Variants in DCLK1 observed in about 807,000 individuals in gnomAD.
The protein encoded by DCLK1 is doublecortin like kinase 1.
Under a neutral mutation model 86.2 loss-of-function variants are expected in DCLK1, and 16 were observed. The observed-to-expected ratio is 0.19, with a 90% confidence interval of 0.13 to 0.28. DCLK1 has a LOEUF of 0.28. DCLK1 is among the 10% of genes least tolerant of loss of function. DCLK1 has a pLI of 1.00. For synonymous variants in DCLK1, 369 were observed against 370.5 expected, an observed-to-expected ratio of 1.00 and a Z score of 0.05; for missense variants, 590 against 940.2, an observed-to-expected ratio of 0.63 and a Z score of 4.87.
chr13:35,983,204 C>T (rs1045114599), intron 3 of DCLK1, among the ~76,000 whole-genome samples: 12 of 152,098 alleles, frequency 7.9e-5, no homozygotes, highest in African/African-American at 2.9e-4. Flanking sequence ...CAGCTCACTG[C>T]AGTCTCAAAT....
At chr13:36,057,674 G>C (rs1248692219) in intron 3 of DCLK1, among the ~76,000 whole-genome samples, 2 of 152,168 alleles carry the variant, frequency 1.3e-5, no homozygotes, top group Admixed American at 6.5e-5. Flanking sequence ...TTGAGGTTCA[G>C]ATTCAGGATA....
intron 4 of DCLK1, among the ~76,000 whole-genome samples, chr13:35,937,579 G>A (rs961941393): frequency 2.0e-5 from 3 of 152,124 alleles, no homozygotes; most frequent in African/African-American, 7.2e-5. Flanking sequence ...ATATGATGAT[G>A]GCAATTTTTA....
At chr13:35,885,716 T>C (rs901314173) in intron 4 of DCLK1, among the ~76,000 whole-genome samples, 4 of 152,196 alleles carry the variant, frequency 2.6e-5, no homozygotes, top group African/African-American at 7.2e-5. Flanking sequence ...CCCTAAAACC[T>C]TCAAATTCAT....
At chr13:35,798,424 G>A (rs1470876371) in intron 15 of DCLK1, among the ~76,000 whole-genome samples, 1 of 152,212 alleles carries the variant, frequency 6.6e-6, no homozygotes, top group African/African-American at 2.4e-5. Flanking sequence ...AAGCATGGCA[G>A]TCTTGAGCAG....
rs548895879 is a variant in DCLK1 at position 36,013,683 on chromosome 13, T to G, written c.724-66226A>C. ...GCAGAGGTTACTGCTGTCTTTTTGT[T>G]TGTCTGTGCCCTGCCCCCAGAGGTG... On this transcript the variant is annotated intron_variant, in intron 3 of 16. Coordinates refer to ENST00000360631, the MANE Select transcript of DCLK1 (RefSeq NM_001330071.2). Among the ~76,000 whole-genome samples the G allele has an allele frequency of 5.7e-3, 865 of 152,108 alleles. 12 individuals are homozygous for G. Among genetic ancestry groups the G allele is most frequent in the African/African-American group, 0.02 (816 of 41,428 alleles).
intron 3 of DCLK1, among the ~76,000 whole-genome samples, chr13:36,062,098 T>C (rs1426587815): frequency 6.6e-6 from 1 of 152,166 alleles, no homozygotes; most frequent in African/African-American, 2.4e-5. Flanking sequence ...CCCTTGTGGG[T>C]TTTTATATAA....
intron 3 of DCLK1, among the ~76,000 whole-genome samples, chr13:36,063,718 T>C (rs1883641647): frequency 6.6e-6 from 1 of 152,206 alleles, no homozygotes; most frequent in Non-Finnish European, 1.5e-5. Flanking sequence ...CTGAACAGAA[T>C]TGTTCTTTTA....
intron 4 of DCLK1, among the ~76,000 whole-genome samples, chr13:35,873,191 G>A (rs930348728): frequency 2.0e-5 from 3 of 151,826 alleles, no homozygotes; most frequent in Non-Finnish European, 4.4e-5. Flanking sequence ...CCAGCTACTC[G>A]GGAGGCTAAG....
intron 3 of DCLK1, among the ~76,000 whole-genome samples, chr13:36,083,333 G>A (rs751289238): frequency 6.6e-6 from 1 of 152,128 alleles, no homozygotes; most frequent in Non-Finnish European, 1.5e-5. Flanking sequence ...ACTGTATTAC[G>A]TGTTCACGTC....
At chr13:35,861,940 G>A (rs1416720190) in intron 5 of DCLK1, among the ~76,000 whole-genome samples, 1 of 150,868 alleles carries the variant, frequency 6.6e-6, no homozygotes, top group Non-Finnish European at 1.5e-5. Context: ...GCTGAGGCGG[G>A]AGAATGGCAT....
chr13:35,997,803 T>C (rs1880536338), intron 3 of DCLK1, among the ~76,000 whole-genome samples: 1 of 152,230 alleles, frequency 6.6e-6, no homozygotes, highest in African/African-American at 2.4e-5. Context: ...TGTTCCATTA[T>C]ACAGAAATGT....
chr13:35,822,567 G>C (rs1272370073), intron 11 of DCLK1, among the ~76,000 whole-genome samples, 162 bp downstream of exon 11: 3 of 152,034 alleles, frequency 2.0e-5, no homozygotes, highest in Admixed American at 1.3e-4. Context: ...AACTCATCTA[G>C]ATCAACCTAA....
intron 5 of DCLK1, among the ~76,000 whole-genome samples, chr13:35,869,430 A>G (rs147410022): frequency 1.2e-3 from 181 of 152,252 alleles, no homozygotes; most frequent in Non-Finnish European, 2.0e-3. Context: ...TCCTTTGTTC[A>G]TTGCTCTTTT....
intron 3 of DCLK1, among the ~76,000 whole-genome samples, chr13:36,051,749 C>T (rs1462135095): frequency 6.6e-6 from 1 of 152,078 alleles, no homozygotes; most frequent in East Asian, 1.9e-4. Flanking sequence ...TGAGAATGAA[C>T]ACTAAGGTAC....
At chr13:35,965,175 A>G (rs1878665566) in intron 3 of DCLK1, among the ~76,000 whole-genome samples, 1 of 152,176 alleles carries the variant, frequency 6.6e-6, no homozygotes, top group African/African-American at 2.4e-5. Flanking sequence ...CAGGTACCTC[A>G]TGAATGTGTC....
At chr13:35,873,854 G>A (rs982599365) in intron 4 of DCLK1, among the ~76,000 whole-genome samples, 4 of 152,044 alleles carry the variant, frequency 2.6e-5, no homozygotes, top group Admixed American at 6.5e-5. Flanking sequence ...TTTCCCACAC[G>A]CATATTAGCC....
intron 4 of DCLK1, among the ~76,000 whole-genome samples, chr13:35,925,158 G>C (rs868653100): frequency 3.0e-4 from 45 of 152,300 alleles, no homozygotes; most frequent in Middle Eastern, 6.8e-3. Context: ...CAAACTTATA[G>C]ACATCTACTA....
At chr13:36,045,702 A>T (rs1350738258) in intron 3 of DCLK1, among the ~76,000 whole-genome samples, 1 of 151,858 alleles carries the variant, frequency 6.6e-6, no homozygotes, top group Non-Finnish European at 1.5e-5. Flanking sequence ...AAACACAAAG[A>T]TTAGCCAGGT....
At chr13:35,940,101 G>A (rs1248133878) in intron 4 of DCLK1, among the ~76,000 whole-genome samples, 1 of 152,004 alleles carries the variant, frequency 6.6e-6, no homozygotes, top group Non-Finnish European at 1.5e-5. Context: ...TGTGCCTGTA[G>A]TCCCAGCTAC....
Sources: gnomAD v4.1 joint callset for allele counts (sites outside exome capture counted in the v4.1 genomes callset) on GRCh38, gnomAD v4.1.1 for gene constraint, MANE v1.5 for transcripts, NCBI Gene and HGNC (gene_info 2026-07-23, HGNC 2026-07-21) for gene names.